Variants in BRD7 observed in about 807,000 individuals in gnomAD.
BRD7 encodes bromodomain-containing protein 7.
A neutral mutation model predicts 82.1 loss-of-function variants in BRD7; 15 were observed. The ratio of observed to expected loss-of-function variants is 0.18; its 90% CI spans 0.12 to 0.28. The LOEUF is 0.28. Ranked by LOEUF, BRD7 falls within the 10% of genes least tolerant of loss-of-function variation. BRD7 has a pLI of 1.00. For synonymous variants in BRD7, 232 were observed against 266.9 expected, an observed-to-expected ratio of 0.87 and a Z score of 1.27; for missense variants, 638 against 779.9, an observed-to-expected ratio of 0.82 and a Z score of 2.17.
rs116313086 is a variant in BRD7 at position 50,328,712 on chromosome 16, T to C, written c.1044A>G (p.Thr348=). 154 of 1,614,048 alleles carry C rather than the reference T, an allele frequency of 9.5e-5. No homozygotes were observed. The East Asian group carries it at 1.3e-3, about 13-fold the overall frequency. Reference sequence around the variant, plus strand: ...CAGGATGGAGAAGTCCCAACGTCGTTGTTCCATCTGGTTTTCTTCTTTCAA... The same window carrying C: ...CAGGATGGAGAAGTCCCAACGTCGTCGTTCCATCTGGTTTTCTTCTTTCAA... The part of the protein sequence containing the change: ...CEFERRKPDG[T]TTLGLLHPVD... The change falls in exon 9 of 17, where the codon ACA becomes ACG. Residue 348 remains threonine, a synonymous_variant. Transcript: ENST00000394688.
intron 2 of BRD7, among the ~76,000 whole-genome samples, chr16:50,357,287 C>T (rs1364777976): frequency 6.6e-6 from 1 of 152,136 alleles, no homozygotes; most frequent in Non-Finnish European, 1.5e-5. Flanking sequence ...GAGCTCTGCA[C>T]TCTATTTTCA....
At chr16:50,321,958 T>C (rs1298538510) in intron 13 of BRD7, 24 bp downstream of exon 13, 2 of 1,594,764 alleles carry the variant, frequency 1.3e-6, no homozygotes, top group Non-Finnish European at 8.6e-7. Flanking sequence ...TAAATATTTC[T>C]TGTAAAGTGT....
chr16:50,367,979 G>T, intron 2 of BRD7, 111 bp downstream of exon 2: 2 of 1,106,846 alleles, frequency 1.8e-6, no homozygotes, highest in Non-Finnish European at 1.3e-6. Flanking sequence ...CCTCAAACGA[G>T]CCAGATCTTA....
chr16:50,330,336 A>ATTTTTTTTTT (rs1567604853), intron 8 of BRD7, among the ~76,000 whole-genome samples: 2 of 139,770 alleles, frequency 1.4e-5, no homozygotes, highest in African/African-American at 2.7e-5. Flanking sequence ...AAAAGAGGAC[A>ATTTTTTTTTT]CTTTTTTTTT....
chr16:50,363,793 A>G (rs1272637016), intron 2 of BRD7, among the ~76,000 whole-genome samples: 1 of 152,130 alleles, frequency 6.6e-6, no homozygotes, highest in Non-Finnish European at 1.5e-5. Flanking sequence ...GGTAGCTCAC[A>G]CTTGTAATCC....
intron 5 of BRD7, among the ~76,000 whole-genome samples, chr16:50,347,930 C>CA (rs1179533046): frequency 1.2e-4 from 19 of 152,074 alleles, no homozygotes; most frequent in African/African-American, 4.3e-4. Flanking sequence ...CATATGGAAC[C>CA]AAAAAAGAGC....
intron 9 of BRD7, among the ~76,000 whole-genome samples, chr16:50,328,142 C>T (rs1254502044): frequency 1.3e-5 from 2 of 152,136 alleles, no homozygotes; most frequent in African/African-American, 4.8e-5. Flanking sequence ...TCCATTAAAA[C>T]ATCATTTGAG....
At chr16:50,364,795 A>G (rs371727900) in intron 2 of BRD7, among the ~76,000 whole-genome samples, 169 of 152,378 alleles carry the variant, frequency 1.1e-3, no homozygotes, top group African/African-American at 3.8e-3. Context: ...GTATATCCAT[A>G]TAACTAAATA....
At chr16:50,323,789 G>C in intron 11 of BRD7, 91 bp from the exon 12 acceptor site, 2 of 849,260 alleles carry the variant, frequency 2.4e-6, no homozygotes, top group Non-Finnish European at 3.9e-6. Context: ...AGATGTCCTC[G>C]GTTATACATC....
At chr16:50,340,519 A>G (rs988024429) in intron 5 of BRD7, among the ~76,000 whole-genome samples, 6 of 152,252 alleles carry the variant, frequency 3.9e-5, no homozygotes, top group African/African-American at 4.8e-5. Context: ...TAGGAATTGA[A>G]CATTTTATTT....
intron 5 of BRD7, among the ~76,000 whole-genome samples, chr16:50,342,601 T>A (rs754972920): frequency 9.9e-5 from 15 of 152,060 alleles, no homozygotes; most frequent in Admixed American, 5.9e-4. Context: ...TTTTGTATTT[T>A]CAGTAGAGAC....
At chr16:50,351,286 A>G (rs183910784) in intron 4 of BRD7, among the ~76,000 whole-genome samples, 2 of 152,338 alleles carry the variant, frequency 1.3e-5, no homozygotes, top group East Asian at 1.9e-4. Context: ...TGCATTAAAT[A>G]AAAGAGTAGA....
At chr16:50,345,149 T>C (rs2038229165) in intron 5 of BRD7, among the ~76,000 whole-genome samples, 1 of 152,206 alleles carries the variant, frequency 6.6e-6, no homozygotes, top group Non-Finnish European at 1.5e-5. Flanking sequence ...CAACCCAGAA[T>C]TTCATATCCA....
rs143225680 is a variant in BRD7, at chr16:50,338,417, G to C, written c.702+1559C>G. On this transcript the variant is annotated intron_variant, in intron 6 of 16. Transcript: ENST00000394688. ...GTGAATCCAAGAATCTCTCAGCCAA[G>C]CATACAGACACTCAGACATCTGCAC... Among the ~76,000 whole-genome samples the C allele has an allele frequency of 4.2e-4, 64 of 152,294 alleles. No individual in the cohort carries two copies. The East Asian group carries it at 7.5e-3, about 18-fold the overall frequency.
intron 2 of BRD7, among the ~76,000 whole-genome samples, chr16:50,356,976 T>A (rs2038760817): frequency 6.6e-6 from 1 of 152,224 alleles, no homozygotes; most frequent in African/African-American, 2.4e-5. Context: ...TTATTTCTAG[T>A]ATCTACAGCA....
chr16:50,361,839 C>A (rs866487891), intron 2 of BRD7: 1 of 152,190 alleles, frequency 6.6e-6, no homozygotes, highest in Non-Finnish European at 1.5e-5. Flanking sequence ...TTGAGCTAAT[C>A]CTCTAACAAC....
At chr16:50,354,563 C>A in intron 3 of BRD7, 81 bp from the exon 4 acceptor site, 1 of 1,288,200 alleles carries the variant, frequency 7.8e-7, no homozygotes, top group Non-Finnish European at 1.1e-6. Context: ...TTTTCTACAA[C>A]CATTATTAAA....
intron 6 of BRD7, among the ~76,000 whole-genome samples, chr16:50,338,835 C>T (rs1474699491): frequency 6.6e-6 from 1 of 152,200 alleles, no homozygotes; most frequent in African/African-American, 2.4e-5. Context: ...AATGAAAACT[C>T]TCTTCTGCCT....
chr16:50,362,273 A>G (rs1238530677), intron 2 of BRD7, among the ~76,000 whole-genome samples: 1 of 152,162 alleles, frequency 6.6e-6, no homozygotes, highest in African/African-American at 2.4e-5. Flanking sequence ...CTGTGGGCAG[A>G]GGTTGGTGCC....
Sources: gnomAD v4.1 joint callset for allele counts (sites outside exome capture counted in the v4.1 genomes callset) on GRCh38, gnomAD v4.1.1 for gene constraint, MANE v1.5 for transcripts, NCBI Gene and HGNC (gene_info 2026-07-23, HGNC 2026-07-21) for gene names.